PDIA3: variants seen among roughly 807,000 people sequenced by gnomAD.
The protein encoded by PDIA3 is protein disulfide-isomerase A3.
Under a neutral mutation model 56.9 loss-of-function variants are expected in PDIA3, and 16 were observed. The observed-to-expected ratio is 0.28, with a 90% CI of 0.19 to 0.43. PDIA3 has a LOEUF of 0.43. PDIA3 is among the 20% of genes least tolerant of loss of function. PDIA3 has a pLI of 1.00. For synonymous variants in PDIA3, 192 were observed against 216.5 expected, an observed-to-expected ratio of 0.89 and a Z score of 0.99; for missense variants, 485 against 621.3, an observed-to-expected ratio of 0.78 and a Z score of 2.33.
At chr15:43,750,447 TG>T (rs551175431) in intron 1 of PDIA3, among the ~76,000 whole-genome samples, 1 of 152,092 alleles carries the variant, frequency 6.6e-6, no homozygotes, top group Non-Finnish European at 1.5e-5. Flanking sequence ...TGTTTGGAAA[TG>T]TCCGAAAATT....
At chr15:43,756,930 TTATA>T (rs1232075595) in intron 3 of PDIA3, among the ~76,000 whole-genome samples, 164 bp downstream of exon 3, 1 of 152,234 alleles carries the variant, frequency 6.6e-6, no homozygotes, top group Non-Finnish European at 1.5e-5. Flanking sequence ...AATGAACAGA[TTATA>T]TAAGTAATAT....
Position 43,771,563 on chromosome 15 carries a change from G to T in PDIA3, c.*345G>T. On this transcript the variant is annotated 3_prime_UTR_variant, in exon 13 of 13. Coordinates refer to ENST00000300289, the MANE Select transcript of PDIA3 (RefSeq NM_005313.5). ...AAACTGTCTTATTTTCCACCAGATT[G>T]AGAACCAGATGTTCTCTACACACTA... 4.4e-6 allele frequency: 2 copies of T among 453,878 alleles called. No individual in the cohort carries two copies. The highest frequency in any genetic ancestry group is 3.8e-5 in the Admixed American group (1 of 25,986). 28.1% of individuals were successfully genotyped at this position (453,878 alleles called of 1,614,324 possible).
At chr15:43,762,855 CAA>C (rs536573747) in intron 4 of PDIA3, among the ~76,000 whole-genome samples, 255 of 152,266 alleles carry the variant, frequency 1.7e-3, no homozygotes, top group Non-Finnish European at 3.1e-3. Flanking sequence ...TGAACACTGA[CAA>C]ATTTTCTCCC....
At chr15:43,751,264 G>C (rs1436492852) in intron 1 of PDIA3, among the ~76,000 whole-genome samples, 4 of 150,550 alleles carry the variant, frequency 2.7e-5, no homozygotes, top group Non-Finnish European at 1.5e-5. Context: ...GGTTGATCCT[G>C]CCTCTCTATT....
intron 8 of PDIA3, among the ~76,000 whole-genome samples, chr15:43,768,050 T>G (rs2086859424): frequency 6.6e-6 from 1 of 152,192 alleles, no homozygotes; most frequent in African/African-American, 2.4e-5. Context: ...GAATGTATTT[T>G]CTTTTTGAAA....
At chr15:43,758,972 C>G (rs1380969695) in intron 3 of PDIA3, among the ~76,000 whole-genome samples, 1 of 149,238 alleles carries the variant, frequency 6.7e-6, no homozygotes, top group African/African-American at 2.5e-5. Context: ...GAGACCCTGT[C>G]TCAAAAAAAA....
chr15:43,770,690 C>T (rs927810162), intron 12 of PDIA3, 110 bp downstream of exon 12: 59 of 777,872 alleles, frequency 7.6e-5, no homozygotes, highest in Admixed American at 2.6e-4. Flanking sequence ...TTTTTTGAGA[C>T]GGAGTTTCGC....
At chr15:43,751,575 C>A (rs1406493952) in intron 1 of PDIA3, 42 of 1,303,230 alleles carry the variant, frequency 3.2e-5, no homozygotes, top group Non-Finnish European at 4.1e-5. Flanking sequence ...CCCTTAAATA[C>A]CACCTGAGTT....
intron 3 of PDIA3, among the ~76,000 whole-genome samples, chr15:43,757,426 C>T (rs1303442247): frequency 1.3e-5 from 2 of 151,976 alleles, no homozygotes; most frequent in Admixed American, 6.6e-5. Flanking sequence ...GGCGTGGTGG[C>T]GGGCGCCTGT....
chr15:43,769,595 G>A lies in PDIA3; in HGVS notation c.1215G>A (p.Trp405Ter). Residue 405 changes from tryptophan to a stop codon, truncating the protein, a stop_gained, in exon 10 of 13, where the codon TGG becomes TGA. Coordinates refer to ENST00000300289, the MANE Select transcript of PDIA3 (RefSeq NM_005313.5). LOFTEE classifies it high-confidence loss of function. ...TGCTGATTGAATTTTATGCCCCTTG[G>A]TGTGGTCACTGTAAGAACCTGGAGC... Reference protein sequence around the residue: ...KDVLIEFYAPWCGHCKNLEPK... With the variant: ...KDVLIEFYAP 1 of 1,613,562 alleles carries A rather than the reference G, an allele frequency of 6.2e-7. No homozygotes were observed. The highest frequency in any genetic ancestry group is 1.1e-5 in the South Asian group (1 of 91,072).
Position 43,773,070 on chromosome 15 carries a change from C to T in PDIA3, c.*1852C>T. On this transcript the variant is annotated 3_prime_UTR_variant, in exon 13 of 13. Transcript: ENST00000300289. Reference sequence around the variant, plus strand: ...CTATTTAGTTTATAGCTGCTTTGTTCCTTTGTGTTTCACTAAGCAGAGGCT... The same window carrying T: ...CTATTTAGTTTATAGCTGCTTTGTTTCTTTGTGTTTCACTAAGCAGAGGCT... 6.6e-7 allele frequency: 1 copy of T among 1,505,040 alleles called. No individual in the cohort carries two copies. Among genetic ancestry groups the T allele is most frequent in the Non-Finnish European group, 9.0e-7 (1 of 1,110,770 alleles). The allele number at this position is 1,505,040 out of a possible 1,614,324, so 93.2% of individuals were successfully genotyped here. A position where few individuals can be genotyped will look rare whatever the true frequency, so the allele number is the denominator to read the frequency against.
intron 1 of PDIA3, among the ~76,000 whole-genome samples, chr15:43,750,728 T>C (rs1281277284): frequency 6.6e-6 from 1 of 150,398 alleles, no homozygotes; most frequent in Non-Finnish European, 1.5e-5. Context: ...TAAGCCAAGA[T>C]CACGCCACTG....
chr15:43,751,787 A>G, intron 1 of PDIA3: 1 of 1,287,342 alleles, frequency 7.8e-7, no homozygotes, highest in Non-Finnish European at 1.0e-6. Flanking sequence ...TGTTGTTTTA[A>G]TGCTCTGTGG....
At chr15:43,757,193 C>T (rs945422372) in intron 3 of PDIA3, among the ~76,000 whole-genome samples, 8 of 152,158 alleles carry the variant, frequency 5.3e-5, no homozygotes, top group Non-Finnish European at 7.4e-5. Flanking sequence ...TTTAGCTACT[C>T]GGGAGGCTGA....
intron 7 of PDIA3, 150 bp from the exon 8 acceptor site, chr15:43,766,578 C>T: frequency 1.6e-6 from 1 of 640,154 alleles, no homozygotes. Flanking sequence ...AACCCTGTGT[C>T]AGTGCCCAAG....
intron 10 of PDIA3, 68 bp downstream of exon 10, chr15:43,769,714 A>G (rs2086869799): frequency 1.3e-6 from 2 of 1,536,846 alleles, no homozygotes. Context: ...TGTATTCAGC[A>G]TTGGCTAATT....
intron 5 of PDIA3, among the ~76,000 whole-genome samples, chr15:43,764,423 G>A (rs2086835722): frequency 6.6e-6 from 1 of 152,144 alleles, no homozygotes; most frequent in African/African-American, 2.4e-5. Flanking sequence ...GTAAACAATA[G>A]TCACTAACTA....
At chr15:43,751,523 AGT>A (rs1175036859) in intron 1 of PDIA3, 1 of 1,054,876 alleles carries the variant, frequency 9.5e-7, no homozygotes, top group African/African-American at 1.7e-5. Flanking sequence ...TGAAAGAAGT[AGT>A]GGTTAATCTT....
At chr15:43,765,403 GTTC>G (rs2086841533) in intron 5 of PDIA3, 44 bp from the exon 6 acceptor site, 5 of 1,050,226 alleles carry the variant, frequency 4.8e-6, no homozygotes, top group Non-Finnish European at 7.3e-6. Context: ...ATGGGAGACA[GTTC>G]TTCTGCTATC....
Sources: allele counts gnomAD v4.1 joint callset (sites outside exome capture counted in the v4.1 genomes callset), GRCh38; gene constraint gnomAD v4.1.1; transcripts MANE v1.5; gene names NCBI Gene and HGNC (gene_info 2026-07-23, HGNC 2026-07-21).